KHDRBS2: variants seen among roughly 807,000 people sequenced by gnomAD.
KHDRBS2 encodes KH RNA binding domain containing, signal transduction associated 2.
A neutral mutation model predicts 44.3 loss-of-function variants in KHDRBS2; 26 were observed. The ratio of observed to expected loss-of-function variants is 0.59; its 90% confidence interval spans 0.43 to 0.81. KHDRBS2 has a LOEUF of 0.81. Among genes scored for constraint, KHDRBS2 ranks in the 40% least tolerant of loss-of-function variants. The pLI, the probability that KHDRBS2 is intolerant of heterozygous loss-of-function variation, is 0.00. For synonymous variants in KHDRBS2, 194 were observed against 151.1 expected (o/e 1.28, Z -2.08); for missense variants, 476 against 433.1 (o/e 1.10, Z -0.88).
chr6:62,138,336 T>C (rs932235043), intron 2 of KHDRBS2, among the ~76,000 whole-genome samples: 2 of 152,224 alleles, frequency 1.3e-5, no homozygotes, highest in Admixed American at 1.3e-4. Context: ...AATTTGAAGA[T>C]GCAGTGCCAC....
chr6:61,715,050 T>C (rs1771159014), intron 7 of KHDRBS2, among the ~76,000 whole-genome samples: 2 of 151,788 alleles, frequency 1.3e-5, no homozygotes, highest in Admixed American at 1.3e-4. Flanking sequence ...ATAGAACAAA[T>C]TACAACTGTA....
At chr6:62,159,277 C>T (rs916559337) in intron 2 of KHDRBS2, among the ~76,000 whole-genome samples, 58 of 152,134 alleles carry the variant, frequency 3.8e-4, no homozygotes, top group African/African-American at 1.3e-3. Context: ...AACCGATTAG[C>T]TAGGCATTAC....
intron 1 of KHDRBS2, among the ~76,000 whole-genome samples, chr6:62,223,880 T>C (rs1831315608): frequency 3.9e-5 from 6 of 152,120 alleles, no homozygotes; most frequent in Admixed American, 3.9e-4. Context: ...AGGCTTTTGG[T>C]GAAAGCTATT....
At chr6:61,626,891 ATCTGCCTGCTGGAGTTTCC>A in the KHDRBS2 span, among the ~76,000 whole-genome samples, 7 of 151,460 alleles carry the variant, frequency 4.6e-5, no homozygotes, top group African/African-American at 9.7e-5. Flanking sequence ...TTGGAGTTTC[ATCTGCCTGCTGGAGTTTCC>A]ACCTGAAAGA....
chr6:61,932,033 T>C (rs763604653), intron 4 of KHDRBS2, among the ~76,000 whole-genome samples: 12 of 152,212 alleles, frequency 7.9e-5, no homozygotes, highest in Admixed American at 2.0e-4. Flanking sequence ...ATATATAATA[T>C]GTATAAAATT....
chr6:61,621,720 T>C, the KHDRBS2 span, among the ~76,000 whole-genome samples: 1 of 152,238 alleles, frequency 6.6e-6, no homozygotes, highest in African/African-American at 2.4e-5. Context: ...GTAGGACCTC[T>C]GACTTGCTTC....
chr6:62,128,917 T>A (rs1220214696), intron 2 of KHDRBS2, among the ~76,000 whole-genome samples: 2 of 152,082 alleles, frequency 1.3e-5, no homozygotes, highest in East Asian at 3.8e-4. Flanking sequence ...TACTTTGTTT[T>A]AGATAATTCC....
intron 2 of KHDRBS2, among the ~76,000 whole-genome samples, chr6:62,081,180 C>A (rs896249833): frequency 6.6e-6 from 1 of 151,964 alleles, no homozygotes. Context: ...CTTAAAAAGG[C>A]TTATATATGT....
chr6:61,916,180 G>A (rs560452622), intron 4 of KHDRBS2, among the ~76,000 whole-genome samples: 1 of 152,094 alleles, frequency 6.6e-6, no homozygotes, highest in Admixed American at 6.6e-5. Context: ...GCCTTGCTCT[G>A]AAAAGCTAAA....
chr6:62,056,332 A>T (rs945814009), intron 2 of KHDRBS2, among the ~76,000 whole-genome samples: 13 of 151,974 alleles, frequency 8.6e-5, no homozygotes, highest in African/African-American at 3.1e-4. Flanking sequence ...TTTACATAAA[A>T]CTCATAAACA....
At chr6:61,607,497 G>C in the KHDRBS2 span, among the ~76,000 whole-genome samples, 1 of 54,700 alleles carries the variant, frequency 1.8e-5, no homozygotes, top group East Asian at 5.8e-4. Context: ...ACTTGAGGTA[G>C]AAGCATACAT....
At chr6:61,870,631 C>T (rs1210582134) in intron 6 of KHDRBS2, among the ~76,000 whole-genome samples, 2 of 152,086 alleles carry the variant, frequency 1.3e-5, no homozygotes, top group African/African-American at 2.4e-5. Context: ...AGATCTCTGG[C>T]GGGCATCTGG....
At position 61,680,865 on chromosome 6, in the gene KHDRBS2, C is replaced by T. The variant is rs556460158; in HGVS notation, c.*98G>A. 442 of 701,852 alleles carry T rather than the reference C, an allele frequency of 6.3e-4. 1 individual carries two copies. The highest frequency in any genetic ancestry group is 1.7e-3 in the Admixed American group (63 of 36,884). 43.5% of individuals were successfully genotyped at this position (701,852 alleles called of 1,614,324 possible). A position where few individuals can be genotyped will look rare whatever the true frequency, so the allele number is the denominator to read the frequency against. ...CAGTTATCCCTAGAATAGAAACAAA[C>T]AAACAAAAAAAGGACTATTACTTGT... is the stretch of plus-strand genomic sequence containing the variant. On this transcript the variant is annotated 3_prime_UTR_variant, in exon 9 of 9. Transcript: ENST00000281156.
chr6:62,280,828 G>A (rs1841692120), intron 1 of KHDRBS2, among the ~76,000 whole-genome samples: 1 of 152,238 alleles, frequency 6.6e-6, no homozygotes, highest in Non-Finnish European at 1.5e-5. Flanking sequence ...AATGAGTCCA[G>A]AGATGAAGAG....
the KHDRBS2 span, among the ~76,000 whole-genome samples, chr6:61,620,023 TATGGATCACTTAGAAAA>T: frequency 6.6e-6 from 1 of 152,140 alleles, no homozygotes; most frequent in South Asian, 2.1e-4. Context: ...AAAATATAGT[TATGGATCACTTAGAAAA>T]ATGCTTACCA....
intron 2 of KHDRBS2, among the ~76,000 whole-genome samples, chr6:62,052,746 G>T (rs1244739106): frequency 6.6e-6 from 1 of 152,016 alleles, no homozygotes; most frequent in Non-Finnish European, 1.5e-5. Flanking sequence ...GTTCACAATA[G>T]GGTTCCACTC....
chr6:62,283,438 A>G (rs2150198402), intron 1 of KHDRBS2, among the ~76,000 whole-genome samples: 1 of 152,246 alleles, frequency 6.6e-6, no homozygotes, highest in South Asian at 2.1e-4. Flanking sequence ...GGTTTATACT[A>G]CTGCCTTTAT....
intron 6 of KHDRBS2, among the ~76,000 whole-genome samples, chr6:61,767,868 T>C (rs1485090950): frequency 6.6e-6 from 1 of 152,144 alleles, no homozygotes; most frequent in East Asian, 1.9e-4. Flanking sequence ...TTTTGATAGG[T>C]TCACCTTTTA....
intron 4 of KHDRBS2, among the ~76,000 whole-genome samples, chr6:61,971,187 A>G (rs1216624541): frequency 6.6e-6 from 1 of 152,120 alleles, no homozygotes; most frequent in Non-Finnish European, 1.5e-5. Context: ...CCTTACATAC[A>G]CTACGTAGAA....
Sources: allele counts gnomAD v4.1 joint callset (sites outside exome capture counted in the v4.1 genomes callset), GRCh38; gene constraint gnomAD v4.1.1; transcripts MANE v1.5; gene names NCBI Gene and HGNC (gene_info 2026-07-23, HGNC 2026-07-21).